The following ZNF804B variants were observed in gnomAD, a reference collection of about 807,000 sequenced individuals.
ZNF804B encodes zinc finger protein 804B, also known as zinc finger 804B.
A neutral mutation model predicts 101.4 loss-of-function variants in ZNF804B; 80 were observed. The ratio of observed to expected loss-of-function variants is 0.79; its 90% CI spans 0.66 to 0.95. The LOEUF (loss-of-function observed/expected upper bound fraction) is 0.95. Among genes scored for constraint, ZNF804B ranks in the 40% least tolerant of loss-of-function variants. The pLI is 0.00. For missense variants in ZNF804B, 1,673 were observed against 1,561.9 expected (o/e 1.07, Z -1.20); for synonymous variants, 622 against 558.8 (o/e 1.11, Z -1.59).
intron 1 of ZNF804B, among the ~76,000 whole-genome samples, chr7:88,851,721 T>C (rs977587124): frequency 1.3e-5 from 2 of 152,076 alleles, no homozygotes; most frequent in Admixed American, 6.6e-5. Context: ...TATGAGTAAA[T>C]ATAAAGAGTT....
At chr7:88,789,943 C>A (rs988797173) in intron 1 of ZNF804B, among the ~76,000 whole-genome samples, 15 of 152,188 alleles carry the variant, frequency 9.9e-5, no homozygotes, top group African/African-American at 3.6e-4. Flanking sequence ...AGAATTCACC[C>A]TGGAAGAGTT....
At chr7:89,014,844 GT>G (rs1788519279) in intron 1 of ZNF804B, among the ~76,000 whole-genome samples, 3 of 152,158 alleles carry the variant, frequency 2.0e-5, no homozygotes, top group South Asian at 2.1e-4. Flanking sequence ...TTGTGCAGAA[GT>G]TTTGTTGCTT....
At chr7:88,780,893 T>C (rs1790216571) in intron 1 of ZNF804B, among the ~76,000 whole-genome samples, 1 of 152,206 alleles carries the variant, frequency 6.6e-6, no homozygotes. Flanking sequence ...GCTTCCCTTA[T>C]CATTATGCAC....
chr7:89,097,918 A>G (rs1789992430), intron 1 of ZNF804B, among the ~76,000 whole-genome samples: 1 of 152,126 alleles, frequency 6.6e-6, no homozygotes, highest in Non-Finnish European at 1.5e-5. Flanking sequence ...ATCTACTTTG[A>G]TAAGGTTGTG....
At chr7:89,253,115 T>A (rs960825442) in intron 2 of ZNF804B, among the ~76,000 whole-genome samples, 6 of 152,170 alleles carry the variant, frequency 3.9e-5, no homozygotes, top group Admixed American at 3.3e-4. Flanking sequence ...TTTTCAAAAC[T>A]TCTGGGATAT....
intron 1 of ZNF804B, among the ~76,000 whole-genome samples, chr7:89,128,392 A>G (rs1790503768): frequency 6.6e-6 from 1 of 151,994 alleles, no homozygotes; most frequent in Admixed American, 6.6e-5. Context: ...GTACACAATT[A>G]GTTATATAGA....
intron 1 of ZNF804B, among the ~76,000 whole-genome samples, chr7:89,198,486 T>C (rs1406716044): frequency 6.6e-6 from 1 of 151,918 alleles, no homozygotes; most frequent in African/African-American, 2.4e-5. Context: ...ACATTGCAAT[T>C]AGTGAAAAAC....
intron 1 of ZNF804B, among the ~76,000 whole-genome samples, chr7:89,108,467 T>A (rs1474698008): frequency 1.3e-5 from 2 of 152,272 alleles, no homozygotes; most frequent in East Asian, 3.9e-4. Context: ...AGAATAGTTT[T>A]CAGACCTTAG....
chr7:89,205,579 A>G (rs1435208388), intron 1 of ZNF804B, among the ~76,000 whole-genome samples: 1 of 152,168 alleles, frequency 6.6e-6, no homozygotes, highest in Non-Finnish European at 1.5e-5. Flanking sequence ...CAAATCTTAA[A>G]GCTCCAAAAT....
At chr7:89,266,877 T>TTGTGTGTGTGTGTC (rs1789803775) in intron 2 of ZNF804B, among the ~76,000 whole-genome samples, 1 of 150,872 alleles carries the variant, frequency 6.6e-6, no homozygotes, top group South Asian at 2.1e-4. Context: ...GTGTCTGTGT[T>TTGTGTGTGTGTGTC]TGTGTGTGTG....
At chr7:89,139,678 G>T (rs1476474068) in intron 1 of ZNF804B, among the ~76,000 whole-genome samples, 2 of 151,950 alleles carry the variant, frequency 1.3e-5, no homozygotes, top group East Asian at 3.9e-4. Context: ...TTCAAGTTTT[G>T]TCATGTGATT....
chr7:89,267,727 T>G (rs1173965793), intron 2 of ZNF804B, among the ~76,000 whole-genome samples: 1 of 152,168 alleles, frequency 6.6e-6, no homozygotes, highest in Non-Finnish European at 1.5e-5. Context: ...TGTTTTTGCT[T>G]TTTCATTTGA....
chr7:89,039,154 C>A (rs1043037671), intron 1 of ZNF804B, among the ~76,000 whole-genome samples: 1 of 151,704 alleles, frequency 6.6e-6, no homozygotes, highest in Non-Finnish European at 1.5e-5. Context: ...CTGTTTGCTG[C>A]CGTTTGTGGT....
At chr7:89,026,165 C>T (rs1474130690) in intron 1 of ZNF804B, among the ~76,000 whole-genome samples, 1 of 152,124 alleles carries the variant, frequency 6.6e-6, no homozygotes, top group Admixed American at 6.6e-5. Flanking sequence ...AATATGTCCT[C>T]AGGAAGCTAC....
chr7:89,159,666 A>G (rs950283252), intron 1 of ZNF804B, among the ~76,000 whole-genome samples: 4 of 152,122 alleles, frequency 2.6e-5, no homozygotes, highest in African/African-American at 7.2e-5. Context: ...CTTTCTTCCA[A>G]TATTTAACAC....
chr7:88,792,496 C>T (rs1790396017), intron 1 of ZNF804B, among the ~76,000 whole-genome samples: 1 of 152,062 alleles, frequency 6.6e-6, no homozygotes, highest in Non-Finnish European at 1.5e-5. Flanking sequence ...GTCTTCTCTC[C>T]CAAACCACTT....
chr7:88,933,149 G>A (rs1326977199), intron 1 of ZNF804B, among the ~76,000 whole-genome samples: 1 of 151,344 alleles, frequency 6.6e-6, no homozygotes, highest in African/African-American at 2.4e-5. Context: ...ATATATACAT[G>A]ACAATAAATG....
intron 1 of ZNF804B, among the ~76,000 whole-genome samples, chr7:88,983,768 G>T (rs1793723293): frequency 6.6e-6 from 1 of 151,578 alleles, no homozygotes; most frequent in Admixed American, 6.6e-5. Context: ...TATATATATG[G>T]TTCACATTAT....
chr7:89,199,341 C>A (rs1788598245), intron 1 of ZNF804B, among the ~76,000 whole-genome samples: 1 of 151,742 alleles, frequency 6.6e-6, no homozygotes, highest in African/African-American at 2.4e-5. Flanking sequence ...CTCTAACCTG[C>A]CAATTTTTAA....
Sources: gnomAD v4.1 joint callset for allele counts (sites outside exome capture counted in the v4.1 genomes callset) on GRCh38, gnomAD v4.1.1 for gene constraint, MANE v1.5 for transcripts, NCBI Gene and HGNC (gene_info 2026-07-23, HGNC 2026-07-21) for gene names.